Variants in SLC4A10 observed in about 807,000 individuals in gnomAD.
SLC4A10 encodes the protein solute carrier family 4 member 10, also known as sodium-driven chloride bicarbonate exchanger.
SLC4A10 carries 42 observed loss-of-function variants against 137.7 expected under a neutral mutation model. The observed-to-expected ratio is 0.30, with a 90% confidence interval of 0.24 to 0.39. SLC4A10 has a LOEUF of 0.39. Among genes scored for constraint, SLC4A10 ranks in the 10% least tolerant of loss-of-function variants. The probability of loss-of-function intolerance (pLI) is 1.00; values close to 1 mark genes in which losing one functional copy is unlikely to be tolerated. For missense variants in SLC4A10, 925 were observed against 1,355.0 expected (o/e 0.68, Z 4.98); for synonymous variants, 474 against 464.1 (o/e 1.02, Z -0.27).
At chr2:161,961,696 A>G (rs1249826392) in intron 21 of SLC4A10, among the ~76,000 whole-genome samples, 1 of 152,204 alleles carries the variant, frequency 6.6e-6, no homozygotes, top group Non-Finnish European at 1.5e-5. Flanking sequence ...ATAGGTTTCA[A>G]CAGATTTTCT....
At chr2:161,797,924 A>C (rs984492505) in intron 2 of SLC4A10, among the ~76,000 whole-genome samples, 2 of 152,024 alleles carry the variant, frequency 1.3e-5, no homozygotes, top group Non-Finnish European at 2.9e-5. Flanking sequence ...ATAGTCATGA[A>C]GCCTTTTGTT....
intron 2 of SLC4A10, among the ~76,000 whole-genome samples, chr2:161,792,123 T>A (rs1437408040): frequency 2.0e-5 from 3 of 152,160 alleles, no homozygotes; most frequent in African/African-American, 7.2e-5. Context: ...CACTATTTGG[T>A]ATATTTGCTC....
At chr2:161,758,302 C>T (rs1012266239) in intron 1 of SLC4A10, among the ~76,000 whole-genome samples, 6 of 151,890 alleles carry the variant, frequency 4.0e-5, no homozygotes, top group Non-Finnish European at 5.9e-5. Context: ...GTAAACACTA[C>T]AGTTTTCATA....
intron 2 of SLC4A10, among the ~76,000 whole-genome samples, chr2:161,783,466 C>T (rs577171628): frequency 1.3e-5 from 2 of 151,950 alleles, no homozygotes; most frequent in East Asian, 3.9e-4. Context: ...AAATGCAGGA[C>T]CGTAATACTG....
intron 5 of SLC4A10, among the ~76,000 whole-genome samples, chr2:161,857,049 G>A (rs188245643): frequency 7.2e-4 from 110 of 152,194 alleles, no homozygotes; most frequent in Admixed American, 2.4e-3. Flanking sequence ...AATTTCTAAT[G>A]CTTTCCTCAG....
chr2:161,800,434 G>T (rs1286574111), intron 2 of SLC4A10, among the ~76,000 whole-genome samples: 7 of 151,920 alleles, frequency 4.6e-5, no homozygotes, highest in African/African-American at 9.7e-5. Flanking sequence ...ATTGTTCTAG[G>T]TATTTGGGAT....
At chr2:161,907,489 G>A (rs1437068192) in intron 15 of SLC4A10, among the ~76,000 whole-genome samples, 1 of 152,206 alleles carries the variant, frequency 6.6e-6, no homozygotes, top group East Asian at 1.9e-4. Flanking sequence ...AAACCATGGT[G>A]AATCATATTC....
intron 2 of SLC4A10, among the ~76,000 whole-genome samples, chr2:161,789,856 A>G (rs1385374605): frequency 1.3e-5 from 2 of 152,184 alleles, no homozygotes; most frequent in Non-Finnish European, 1.5e-5. Context: ...TGGATAAAGC[A>G]TTGGGATTGT....
chr2:161,739,088 C>T (rs1383707505), intron 1 of SLC4A10, among the ~76,000 whole-genome samples: 1 of 152,008 alleles, frequency 6.6e-6, no homozygotes, highest in Non-Finnish European at 1.5e-5. Context: ...GATCCTTGGC[C>T]CTAGGACCAC....
chr2:161,676,429 C>T (rs1023473043), intron 1 of SLC4A10, among the ~76,000 whole-genome samples: 2 of 152,124 alleles, frequency 1.3e-5, no homozygotes, highest in Non-Finnish European at 2.9e-5. Context: ...TCAAACTTCT[C>T]ATTTCTTTTT....
At chr2:161,724,625 G>A (rs757558022) in intron 1 of SLC4A10, among the ~76,000 whole-genome samples, 1 of 152,128 alleles carries the variant, frequency 6.6e-6, no homozygotes, top group African/African-American at 2.4e-5. Context: ...TTTTTAAACA[G>A]TCATCTTTAG....
chr2:161,898,294 C>T (rs903558982), intron 11 of SLC4A10, among the ~76,000 whole-genome samples: 2 of 152,012 alleles, frequency 1.3e-5, no homozygotes, highest in Non-Finnish European at 2.9e-5. Flanking sequence ...TTTTAATTAC[C>T]TTAAATGTAA....
At chr2:161,659,989 G>C (rs980902330) in intron 1 of SLC4A10, among the ~76,000 whole-genome samples, 5 of 151,854 alleles carry the variant, frequency 3.3e-5, no homozygotes, top group African/African-American at 4.8e-5. Context: ...GTGGTTGCCT[G>C]GGGTGAAGAG....
chr2:161,695,343 C>T (rs1161684329), intron 1 of SLC4A10, among the ~76,000 whole-genome samples: 1 of 151,920 alleles, frequency 6.6e-6, no homozygotes, highest in Non-Finnish European at 1.5e-5. Context: ...TTAATTTGCT[C>T]TTATATACCC....
At chr2:161,799,361 A>C (rs942117128) in intron 2 of SLC4A10, among the ~76,000 whole-genome samples, 3 of 151,906 alleles carry the variant, frequency 2.0e-5, no homozygotes, top group Admixed American at 6.6e-5. Context: ...ACTGATAGCT[A>C]TCCGGGTGAA....
intron 2 of SLC4A10, among the ~76,000 whole-genome samples, chr2:161,781,412 G>A (rs1360113573): frequency 2.0e-5 from 3 of 151,902 alleles, no homozygotes; most frequent in South Asian, 2.1e-4. Context: ...TGTGTACATC[G>A]ACCAGAAAAT....
chr2:161,752,273 T>A (rs1038650718), intron 1 of SLC4A10, among the ~76,000 whole-genome samples: 5 of 152,112 alleles, frequency 3.3e-5, no homozygotes, highest in African/African-American at 7.2e-5. Flanking sequence ...TATTATTATT[T>A]TTTTGCCTTA....
At chr2:161,957,796 T>TTA (rs2105871401) in intron 20 of SLC4A10, among the ~76,000 whole-genome samples, 1 of 152,308 alleles carries the variant, frequency 6.6e-6, no homozygotes, top group South Asian at 2.1e-4. Flanking sequence ...TAACTAGTAA[T>TTA]TATTTTGTCA....
chr2:161,748,228 T>C (rs1457497943), intron 1 of SLC4A10, among the ~76,000 whole-genome samples: 1 of 152,128 alleles, frequency 6.6e-6, no homozygotes, highest in Non-Finnish European at 1.5e-5. Flanking sequence ...GGCCTGCCTT[T>C]TTTATTGTGT....
Sources: gnomAD v4.1 joint callset for allele counts (sites outside exome capture counted in the v4.1 genomes callset) on GRCh38, gnomAD v4.1.1 for gene constraint, MANE v1.5 for transcripts, NCBI Gene and HGNC (gene_info 2026-07-23, HGNC 2026-07-21) for gene names.